The following SCYL2 variants were observed in gnomAD, a reference collection of about 807,000 sequenced individuals.
The protein encoded by SCYL2 is SCY1-like protein 2.
Under a neutral mutation model 100.4 loss-of-function variants are expected in SCYL2, and 36 were observed. The ratio of observed to expected loss-of-function variants is 0.36; its 90% CI spans 0.27 to 0.47. The LOEUF (loss-of-function observed/expected upper bound fraction) is 0.47. SCYL2 is among the 20% of genes least tolerant of loss of function. SCYL2 has a pLI of 1.00. For synonymous variants in SCYL2, 330 were observed against 359.2 expected, an observed-to-expected ratio of 0.92 and a Z score of 0.92; for missense variants, 902 against 1,083.9, an observed-to-expected ratio of 0.83 and a Z score of 2.36.
Position 100,329,338 on chromosome 12 carries a change from T to G in SCYL2, c.1761+19T>G, listed in dbSNP as rs774632322. 2.8e-6 allele frequency: 3 copies of G among 1,090,012 alleles called. No homozygotes were observed. The highest frequency in any genetic ancestry group is 4.2e-6 in the Non-Finnish European group (3 of 708,902). The allele number at this position is 1,090,012 out of a possible 1,614,324, so 67.5% of individuals were successfully genotyped here. A position where few individuals can be genotyped will look rare whatever the true frequency, so the allele number is the denominator to read the frequency against. On this transcript the variant is annotated intron_variant, in intron 13 of 17. Coordinates refer to ENST00000360820, the MANE Select transcript of SCYL2 (RefSeq NM_017988.6). Reference sequence around the variant, plus strand: ...TAATCAGGTAGGAGTATTTTTGTGCTTTATTCATTTTATTCAGCTTACTTT... The same window carrying G: ...TAATCAGGTAGGAGTATTTTTGTGCGTTATTCATTTTATTCAGCTTACTTT...
intron 11 of SCYL2, among the ~76,000 whole-genome samples, chr12:100,325,071 T>C (rs1487804410): frequency 1.3e-5 from 2 of 151,938 alleles, no homozygotes; most frequent in Non-Finnish European, 2.9e-5. Context: ...CTACTAAAAA[T>C]AAAAAAATTT....
intron 3 of SCYL2, among the ~76,000 whole-genome samples, chr12:100,294,408 C>G (rs1435866076): frequency 1.3e-4 from 13 of 103,496 alleles, no homozygotes; most frequent in Admixed American, 3.7e-4. Context: ...CCCTCCCGGA[C>G]GGGGCGGCTG....
intron 1 of SCYL2, among the ~76,000 whole-genome samples, chr12:100,275,779 G>C (rs1352326122): frequency 6.6e-6 from 1 of 152,194 alleles, no homozygotes; most frequent in African/African-American, 2.4e-5. Context: ...AAAGTGGTTA[G>C]TATTTTATCT....
chr12:100,267,662 G>A lies in SCYL2; in HGVS notation c.-159G>A, dbSNP rs1226228908. 6.6e-6 allele frequency: 1 copy of A among 152,372 alleles called. No homozygotes were observed. Among genetic ancestry groups the A allele is most frequent in the African/African-American group, 2.4e-5 (1 of 41,460 alleles). 9.4% of individuals were successfully genotyped at this position (152,372 alleles called of 1,614,324 possible). A position where few individuals can be genotyped will look rare whatever the true frequency, so the allele number is the denominator to read the frequency against. On this transcript the variant is annotated 5_prime_UTR_variant, in exon 1 of 18. Transcript: ENST00000360820. ...GGGCCGAGTCCTCGAAAGAGGCCTT[G>A]AGGCGACGGGAGACCCGGGATCGAA...
At chr12:100,322,359 C>A (rs1316077383) in intron 10 of SCYL2, among the ~76,000 whole-genome samples, 1 of 113,378 alleles carries the variant, frequency 8.8e-6, no homozygotes, top group Non-Finnish European at 1.6e-5. Flanking sequence ...GGCGACAGAG[C>A]GAGACTCCGT....
chr12:100,309,106 T>TTGTGTGTGTGTGTGTG (rs143410251), intron 4 of SCYL2, among the ~76,000 whole-genome samples: 1 of 148,064 alleles, frequency 6.8e-6, no homozygotes, highest in African/African-American at 2.5e-5. Flanking sequence ...GTATTTTGAT[T>TTGTGTGTGTGTGTGTG]TGTGTGTGTG....
At chr12:100,337,029 A>G (rs549369393) in intron 16 of SCYL2, among the ~76,000 whole-genome samples, 94 of 152,218 alleles carry the variant, frequency 6.2e-4, no homozygotes, top group African/African-American at 2.0e-3. Context: ...GCTTTTTGTG[A>G]GTTCCTAAAA....
intron 1 of SCYL2, among the ~76,000 whole-genome samples, chr12:100,276,275 A>G (rs2096292389): frequency 6.6e-6 from 1 of 152,054 alleles, no homozygotes; most frequent in Admixed American, 6.5e-5. Flanking sequence ...TAGAATTAGA[A>G]TCTGTAGAAT....
At position 100,283,087 on chromosome 12, in the gene SCYL2, C is replaced by T. The variant is rs1377531338; in HGVS notation, c.117C>T (p.Ala39=). Residue 39 remains alanine, a synonymous_variant, in exon 2 of 18, where the codon GCC becomes GCT. Transcript: ENST00000360820. ...TREFDVGRHI[A]SGGNGLAWKI... Reference sequence around the variant, plus strand: ...AATTTGATGTTGGTCGACACATTGCCAGTGGTGGCAATGGGCTAGCTTGGA... The same window carrying T: ...AATTTGATGTTGGTCGACACATTGCTAGTGGTGGCAATGGGCTAGCTTGGA... 3.1e-6 allele frequency: 5 copies of T among 1,612,564 alleles called. No individual in the cohort carries two copies. The highest frequency in any genetic ancestry group is 4.5e-5 in the East Asian group (2 of 44,798).
At chr12:100,337,960 A>G (rs1038186408) in intron 17 of SCYL2, among the ~76,000 whole-genome samples, 2 of 152,166 alleles carry the variant, frequency 1.3e-5, no homozygotes, top group Non-Finnish European at 2.9e-5. Context: ...TGTTCCAGGT[A>G]TTGGTGCTAT....
Position 100,339,160 on chromosome 12 carries a change from T to A in SCYL2, c.2778T>A (p.Asp926Glu). The stretch of plus-strand genomic sequence containing the variant: ...GTTCAGCTAGCAATGATTTAAAAGA[T>A]CTTTTTGGGTGAGGTGTCTTACTTC... ...NSSSASNDLK[D>E]LFG The change falls in exon 18 of 18, where the codon GAT becomes GAA. Residue 926 changes from aspartate (D) to glutamate (E), a missense_variant. Physicochemically the swap from Asp to Glu is conservative, Grantham distance 45. Transcript: ENST00000360820. 1 of 1,612,080 alleles carries A rather than the reference T, an allele frequency of 6.2e-7. No homozygotes were observed. The highest frequency in any genetic ancestry group is 8.5e-7 in the Non-Finnish European group (1 of 1,179,094).
At chr12:100,297,245 AGGTGGGTC>A (rs1194163265) in intron 3 of SCYL2, among the ~76,000 whole-genome samples, 1 of 152,168 alleles carries the variant, frequency 6.6e-6, no homozygotes, top group Non-Finnish European at 1.5e-5. Flanking sequence ...TAACCCTTCA[AGGTGGGTC>A]TATTATCACC....
chr12:100,322,860 CAA>C lies in SCYL2; in HGVS notation c.1396-648_1396-647del, dbSNP rs138492576. ...GGGCAACAAGAGCAAAACTCCGTCT[CAA>C]AAAAAAAAAAAAAAAATTAGCTGGG... On this transcript the variant is annotated intron_variant, in intron 10 of 17. Transcript: ENST00000360820. Among the ~76,000 whole-genome samples, 212 of 78,860 alleles carry C rather than the reference CAA, an allele frequency of 2.7e-3. 1 individual carries two copies. Among genetic ancestry groups the C allele is most frequent in the African/African-American group, 8.8e-3 (190 of 21,620 alleles). The allele number at this position is 78,860 out of a possible 152,430, so 51.7% of individuals were successfully genotyped here. A position where few individuals can be genotyped will look rare whatever the true frequency, so the allele number is the denominator to read the frequency against.
At chr12:100,287,033 GTGATGCTTGACAGTCACCACC>G (rs2096305162) in intron 2 of SCYL2, among the ~76,000 whole-genome samples, 1 of 152,098 alleles carries the variant, frequency 6.6e-6, no homozygotes, top group African/African-American at 2.4e-5. Context: ...AATGAAGTGT[GTGATGCTTGACAGTCACCACC>G]AGCCAGTCAT....
At chr12:100,319,625 T>A (rs2096353355) in intron 10 of SCYL2, among the ~76,000 whole-genome samples, 1 of 152,180 alleles carries the variant, frequency 6.6e-6, no homozygotes, top group Admixed American at 6.5e-5. Context: ...GTTCAAGCAG[T>A]TCTCGTGTCT....
intron 14 of SCYL2, among the ~76,000 whole-genome samples, chr12:100,334,998 A>G (rs1952257587): frequency 2.0e-5 from 3 of 152,022 alleles, no homozygotes; most frequent in Admixed American, 6.6e-5. Flanking sequence ...ACTTAAAGTA[A>G]ATACACATGG....
intron 4 of SCYL2, among the ~76,000 whole-genome samples, chr12:100,303,591 G>A (rs1219063970): frequency 4.6e-5 from 7 of 152,234 alleles, no homozygotes; most frequent in Non-Finnish European, 8.8e-5. Flanking sequence ...AGCGGACGCT[G>A]CAGAACAGCA....
chr12:100,293,541 AT>A (rs1256393108), intron 3 of SCYL2, among the ~76,000 whole-genome samples: 2 of 149,302 alleles, frequency 1.3e-5, no homozygotes, highest in African/African-American at 4.9e-5. Context: ...TTTATTTTTT[AT>A]TTTTTATTGA....
At chr12:100,279,052 G>C (rs947974145) in intron 1 of SCYL2, among the ~76,000 whole-genome samples, 2 of 152,148 alleles carry the variant, frequency 1.3e-5, no homozygotes, top group African/African-American at 4.8e-5. Context: ...GGGTTTCTTT[G>C]TGTTTATCCT....
Sources: allele counts gnomAD v4.1 joint callset (sites outside exome capture counted in the v4.1 genomes callset), GRCh38; gene constraint gnomAD v4.1.1; transcripts MANE v1.5; gene names NCBI Gene and HGNC (gene_info 2026-07-23, HGNC 2026-07-21).